CSNK2A2: variants seen among roughly 807,000 people sequenced by gnomAD.
CSNK2A2 encodes the protein casein kinase 2 alpha 2.
In CSNK2A2, 8 loss-of-function variants were observed where a neutral mutation model predicts 54.0. The observed-to-expected ratio is 0.15, with a 90% CI of 0.09 to 0.27. The LOEUF (loss-of-function observed/expected upper bound fraction) is 0.27. Ranked by LOEUF, CSNK2A2 falls within the 10% of genes least tolerant of loss-of-function variation. CSNK2A2 has a pLI of 1.00. For missense variants in CSNK2A2, 242 were observed against 439.4 expected, an observed-to-expected ratio of 0.55 and a Z score of 4.02; for synonymous variants, 141 against 153.9, an observed-to-expected ratio of 0.92 and a Z score of 0.62.
rs186589422 is a variant in CSNK2A2, at chr16:58,192,386, A to G, written c.216+4347T>C. ...CATATATTAAAGGGATAAAACTATT[A>G]AACTATTAATCCCGAAATCTGCCAA... On this transcript the variant is annotated intron_variant, in intron 2 of 11. Coordinates refer to ENST00000262506, the MANE Select transcript of CSNK2A2 (RefSeq NM_001896.4). Among the ~76,000 whole-genome samples, 6 of 152,288 alleles carry G rather than the reference A, an allele frequency of 3.9e-5. No individual in the cohort carries two copies. In the East Asian group the frequency reaches 9.6e-4, roughly 24 times the overall value.
intron 4 of CSNK2A2, among the ~76,000 whole-genome samples, chr16:58,182,957 A>G (rs1335773596): frequency 6.6e-6 from 1 of 152,230 alleles, no homozygotes; most frequent in Admixed American, 6.5e-5. Context: ...CACATGTGGG[A>G]AAGTGCTATA....
intron 4 of CSNK2A2, among the ~76,000 whole-genome samples, chr16:58,175,567 A>G (rs1204530625): frequency 2.6e-5 from 4 of 152,188 alleles, no homozygotes; most frequent in African/African-American, 4.8e-5. Flanking sequence ...AGTAATAAAA[A>G]CTGGTTTCAC....
chr16:58,194,335 C>T (rs907157621), intron 2 of CSNK2A2, among the ~76,000 whole-genome samples: 2 of 152,212 alleles, frequency 1.3e-5, no homozygotes, highest in Non-Finnish European at 2.9e-5. Flanking sequence ...TGGCTAAAGA[C>T]CTTGTTACCC....
chr16:58,197,947 T>G lies in CSNK2A2; in HGVS notation c.-211A>C. 1 of 128,430 alleles carries G rather than the reference T, an allele frequency of 7.8e-6. No individual in the cohort carries two copies. Among genetic ancestry groups the G allele is most frequent in the Non-Finnish European group, 1.7e-5 (1 of 60,130 alleles). The allele number at this position is 128,430 out of a possible 1,614,324, so 8.0% of individuals were successfully genotyped here. A position where few individuals can be genotyped will look rare whatever the true frequency, so the allele number is the denominator to read the frequency against. On this transcript the variant is annotated 5_prime_UTR_variant, in exon 1 of 12. Transcript: ENST00000262506. The surrounding 1 kb of genome is among the most constrained non-coding windows in gnomAD (Gnocchi z 4.0). Reference sequence around the variant, plus strand: ...GGCGCCGGCCGAGCCGGCCCGGCCCTGGAGCGGCCGGCGGGGCGGCGGGGC... The same window carrying G: ...GGCGCCGGCCGAGCCGGCCCGGCCCGGGAGCGGCCGGCGGGGCGGCGGGGC...
At chr16:58,190,484 C>G (rs922864632) in intron 2 of CSNK2A2, among the ~76,000 whole-genome samples, 1 of 152,106 alleles carries the variant, frequency 6.6e-6, no homozygotes, top group Non-Finnish European at 1.5e-5. Flanking sequence ...ATTCACTACC[C>G]TGGTGGCATC....
intron 11 of CSNK2A2, chr16:58,161,137 G>A (rs1961338815): frequency 6.6e-6 from 1 of 152,180 alleles, no homozygotes. Context: ...CACACCAGAG[G>A]TGCAAATGTG....
intron 4 of CSNK2A2, among the ~76,000 whole-genome samples, chr16:58,174,889 G>T (rs1597115501): frequency 1.3e-5 from 2 of 152,270 alleles, no homozygotes; most frequent in African/African-American, 4.8e-5. Context: ...TAACACCACA[G>T]TATACTCTAG....
intron 5 of CSNK2A2, among the ~76,000 whole-genome samples, chr16:58,173,738 C>T (rs1369113745): frequency 1.3e-5 from 2 of 152,186 alleles, no homozygotes; most frequent in African/African-American, 4.8e-5. Context: ...CCCCTGTAGG[C>T]ATGTCTCTCT....
At chr16:58,160,763 CCTTTT>C (rs752349096) in intron 11 of CSNK2A2, 8 of 152,374 alleles carry the variant, frequency 5.3e-5, no homozygotes, top group East Asian at 1.9e-4. Context: ...CTTATTGGTC[CCTTTT>C]CTTTTAACAG....
At chr16:58,163,941 C>T in intron 11 of CSNK2A2, 113 bp downstream of exon 11, 1 of 848,118 alleles carries the variant, frequency 1.2e-6, no homozygotes, top group Non-Finnish European at 1.9e-6. Context: ...GGTCTTTACT[C>T]TTCTGTGCAT....
At chr16:58,162,204 G>A (rs1414222492) in intron 11 of CSNK2A2, 1 of 152,208 alleles carries the variant, frequency 6.6e-6, no homozygotes, top group Non-Finnish European at 1.5e-5. Context: ...TTGCCTATAA[G>A]GGCATATTAG....
At chr16:58,168,185 T>C (rs16959755) in intron 6 of CSNK2A2, among the ~76,000 whole-genome samples, 21,035 of 152,010 alleles carry the variant, frequency 0.14, 1,999 homozygotes, top group Admixed American at 0.27. Context: ...GACTGAAGCA[T>C]TGCTCTAATG....
intron 4 of CSNK2A2, among the ~76,000 whole-genome samples, chr16:58,180,011 G>A (rs1383306681): frequency 7.3e-5 from 11 of 151,030 alleles, no homozygotes; most frequent in African/African-American, 1.2e-4. Context: ...CCCAGGAGGC[G>A]GAGGTTGCAT....
At chr16:58,178,662 C>T (rs1023917662) in intron 4 of CSNK2A2, among the ~76,000 whole-genome samples, 8 of 152,160 alleles carry the variant, frequency 5.3e-5, no homozygotes, top group Admixed American at 1.3e-4. Flanking sequence ...TCATTCGTTT[C>T]GAAGTTTTGT....
At chr16:58,183,226 A>AC (rs1219177636) in intron 4 of CSNK2A2, among the ~76,000 whole-genome samples, 1 of 151,306 alleles carries the variant, frequency 6.6e-6, no homozygotes, top group Admixed American at 6.6e-5. Context: ...AAAAAAAAAA[A>AC]ATTAGCTGGG....
At chr16:58,184,611 C>G (rs893576901) in intron 3 of CSNK2A2, among the ~76,000 whole-genome samples, 3 of 152,174 alleles carry the variant, frequency 2.0e-5, no homozygotes, top group South Asian at 2.1e-4. Flanking sequence ...TTTTCATTTA[C>G]TTTTGAAAAT....
chr16:58,196,646 T>C, intron 2 of CSNK2A2, 87 bp downstream of exon 2: 1 of 814,656 alleles, frequency 1.2e-6, no homozygotes, highest in Non-Finnish European at 2.2e-6. Context: ...AAGCTTGCAT[T>C]GCCCATTATA....
chr16:58,161,600 C>G (rs1046591835), intron 11 of CSNK2A2: 1 of 152,202 alleles, frequency 6.6e-6, no homozygotes, highest in Non-Finnish European at 1.5e-5. Flanking sequence ...TTTTGGAACT[C>G]TCCAAGACCA....
At chr16:58,159,086 A>G (rs1228118146) in intron 11 of CSNK2A2, 5 of 152,240 alleles carry the variant, frequency 3.3e-5, no homozygotes, top group Non-Finnish European at 7.3e-5. Context: ...ACTGCGTAGT[A>G]TTTGATTTGA....
Sources: gnomAD v4.1 joint callset for allele counts (sites outside exome capture counted in the v4.1 genomes callset) on GRCh38, gnomAD v4.1.1 for gene constraint, Gnocchi (gnomAD v3.1) non-coding constraint, MANE v1.5 for transcripts, NCBI Gene and HGNC (gene_info 2026-07-23, HGNC 2026-07-21) for gene names.